The following TCERG1L variants were observed in gnomAD, a reference collection of about 807,000 sequenced individuals.
TCERG1L encodes the protein transcription elongation regulator 1 like.
A neutral mutation model predicts 56.3 loss-of-function variants in TCERG1L; 37 were observed. The ratio of observed to expected loss-of-function variants is 0.66; its 90% confidence interval spans 0.51 to 0.87. The LOEUF is 0.87. TCERG1L is among the 40% of genes least tolerant of loss of function. The pLI is 0.00. For synonymous variants in TCERG1L, 324 were observed against 326.3 expected (o/e 0.99, Z 0.08); for missense variants, 799 against 774.2 (o/e 1.03, Z -0.38).
chr10:131,209,992 G>A (rs548016094), intron 4 of TCERG1L, among the ~76,000 whole-genome samples: 4 of 152,174 alleles, frequency 2.6e-5, no homozygotes, highest in East Asian at 1.9e-4. Context: ...TCGTAATTTC[G>A]CTGTGCCAGT....
At chr10:131,184,030 T>C (rs10829942) in intron 4 of TCERG1L, among the ~76,000 whole-genome samples, 21,451 of 152,208 alleles carry the variant, frequency 0.14, 1,643 homozygotes, top group East Asian at 0.28. Flanking sequence ...ACCCACCATA[T>C]TCTCTGTCAC....
rs141108269 is a variant in TCERG1L, at chr10:131,141,232, C to T, written c.1189+5274G>A. Among the ~76,000 whole-genome samples, 531 of 152,274 alleles carry T rather than the reference C, an allele frequency of 3.5e-3. 6 individuals carry two copies. The highest frequency in any genetic ancestry group is 0.012 in the African/African-American group (485 of 41,556). On this transcript the variant is annotated intron_variant, in intron 7 of 11. Transcript: ENST00000368642. ...TGCTGTGATCTCTGCAGGGCTTCCCCGAGCCTTCCACTCTTTGAGGCTCAC... is the reference window on the plus strand; with the variant it reads ...TGCTGTGATCTCTGCAGGGCTTCCCTGAGCCTTCCACTCTTTGAGGCTCAC...
At chr10:131,212,207 TC>T (rs1209747247) in intron 4 of TCERG1L, among the ~76,000 whole-genome samples, 1 of 152,164 alleles carries the variant, frequency 6.6e-6, no homozygotes, top group Non-Finnish European at 1.5e-5. Flanking sequence ...CCATCTCAAC[TC>T]AGACTCAGAC....
intron 4 of TCERG1L, among the ~76,000 whole-genome samples, chr10:131,178,947 C>A (rs942324101): frequency 6.6e-6 from 1 of 152,254 alleles, no homozygotes; most frequent in Non-Finnish European, 1.5e-5. Flanking sequence ...GTATGCTCAT[C>A]AGTGCTCGTG....
intron 4 of TCERG1L, among the ~76,000 whole-genome samples, chr10:131,182,108 A>T (rs1477064018): frequency 6.6e-6 from 1 of 152,122 alleles, no homozygotes; most frequent in African/African-American, 2.4e-5. Flanking sequence ...GGGTGTGTGC[A>T]TGGGTGTGTG....
intron 4 of TCERG1L, among the ~76,000 whole-genome samples, chr10:131,254,051 A>C (rs1589762718): frequency 2.0e-5 from 3 of 152,182 alleles, no homozygotes; most frequent in African/African-American, 7.2e-5. Flanking sequence ...CTGAGGCCTG[A>C]ACAGTGGGGG....
In TCERG1L at chr10:131,308,220, G is replaced by C. The variant is rs766716008; in HGVS notation, c.661C>G (p.Pro221Ala). 6.2e-7 allele frequency: 1 copy of C among 1,612,002 alleles called. No individual in the cohort carries two copies. The highest frequency in any genetic ancestry group is 1.7e-5 in the Admixed American group (1 of 59,576). Residue 221 changes from proline to alanine, a missense_variant, in exon 3 of 12, where the codon CCC (proline) becomes GCC (alanine). By Grantham distance (27) the Pro-to-Ala change is conservative (BLOSUM62 -1). Transcript: ENST00000368642. ...PLPTVVLAPQ[P>A]IPGGCHNSLK... ...TTATTTGGGCACCAACCTGGGATGG[G>C]CTGAGGTGCTAACACCACCGTGGGG...
In TCERG1L at chr10:131,259,485, C is replaced by T. The variant is rs542031036; in HGVS notation, c.856+774G>A. Among the ~76,000 whole-genome samples the T allele has an allele frequency of 7.1e-4, 108 of 152,300 alleles. 1 individual carries two copies. Among genetic ancestry groups the T allele is most frequent in the South Asian group, 1.2e-3 (6 of 4,822 alleles). On this transcript the variant is annotated intron_variant, in intron 4 of 11. Coordinates refer to ENST00000368642, the MANE Select transcript of TCERG1L (RefSeq NM_174937.4). ...TGCTGTTCCTAAGTTTGAAGAAACA[C>T]GCATTTCACAAGGATGTCTGGGTCA...
chr10:131,147,432 C>G (rs916073256), intron 6 of TCERG1L, among the ~76,000 whole-genome samples: 16 of 152,248 alleles, frequency 1.1e-4, no homozygotes, highest in African/African-American at 3.4e-4. Flanking sequence ...ACTCTGCACT[C>G]TGACACTCTG....
intron 3 of TCERG1L, among the ~76,000 whole-genome samples, chr10:131,295,739 T>C (rs898163497): frequency 6.6e-6 from 1 of 152,202 alleles, no homozygotes; most frequent in Non-Finnish European, 1.5e-5. Flanking sequence ...ACATTCAATA[T>C]TCCAATAACC....
Position 131,256,948 on chromosome 10 carries a change from A to AGAAGGAAGGAAGGAAGGAAGGAAG in TCERG1L, c.856+3287_856+3310dup, listed in dbSNP as rs71009955. On this transcript the variant is annotated intron_variant, in intron 4 of 11. Transcript: ENST00000368642. Reference sequence around the variant, plus strand: ...GGAAGGAAGGGAGGGAGGAAGAGAAAGAAGGAAGGAAGGAAGGAAGGAAGG... The same window carrying AGAAGGAAGGAAGGAAGGAAGGAAG: ...GGAAGGAAGGGAGGGAGGAAGAGAAAGAAGGAAGGAAGGAAGGAAGGAAGGAAGGAAGGAAGGAAGGAAGGAAGG... 1.4e-3 allele frequency among the ~76,000 whole-genome samples: 86 copies of AGAAGGAAGGAAGGAAGGAAGGAAG among 60,796 alleles called. 6 individuals carry two copies. The highest frequency in any genetic ancestry group is 3.0e-3 in the South Asian group (4 of 1,348). The allele number at this position is 60,796 out of a possible 152,430, so 39.9% of individuals were successfully genotyped here. A position where few individuals can be genotyped will look rare whatever the true frequency, so the allele number is the denominator to read the frequency against.
intron 3 of TCERG1L, among the ~76,000 whole-genome samples, chr10:131,291,401 CTTTTTTTTTTTTTTTTTTTTTTTT>C (rs71009957): frequency 0.013 from 469 of 36,570 alleles, 5 homozygotes; most frequent in African/African-American, 0.041. Flanking sequence ...AACAGCATTT[CTTTTTTTTTTTTTTTTTTTTTTTT>C]TTTTTTTTTT....
chr10:131,150,300 C>A (rs971681179), intron 6 of TCERG1L, among the ~76,000 whole-genome samples: 2 of 29,486 alleles, frequency 6.8e-5, no homozygotes, highest in African/African-American at 1.3e-4. Flanking sequence ...TCTAGAGTCA[C>A]TGAAGTGTGG....
At chr10:131,097,200 CAAAAAAAAAAAA>C (rs1161006867) in intron 11 of TCERG1L, among the ~76,000 whole-genome samples, 1 of 91,052 alleles carries the variant, frequency 1.1e-5, no homozygotes, top group Admixed American at 1.2e-4. Context: ...GGGTCTGTCT[CAAAAAAAAAAAA>C]AAAAAAAAAA....
intron 3 of TCERG1L, among the ~76,000 whole-genome samples, chr10:131,277,489 T>A (rs1018034057): frequency 3.3e-5 from 5 of 152,138 alleles, no homozygotes; most frequent in Non-Finnish European, 5.9e-5. Flanking sequence ...GCTCCCCACC[T>A]CCTGGCGAGC....
At chr10:131,167,686 C>G (rs182494170) in intron 4 of TCERG1L, among the ~76,000 whole-genome samples, 3 of 152,218 alleles carry the variant, frequency 2.0e-5, no homozygotes, top group Non-Finnish European at 4.4e-5. Flanking sequence ...CAGGCCACAC[C>G]GCCAGTGACC....
In TCERG1L at chr10:131,103,388, T is replaced by A. The variant is rs921207195; in HGVS notation, c.1485+877A>T. Reference sequence around the variant, plus strand: ...CAGGTGTCCTTGCAGAAGTGCTTTTTGTGTGTATAAGGTTGTGATGAGCCA... The same window carrying A: ...CAGGTGTCCTTGCAGAAGTGCTTTTAGTGTGTATAAGGTTGTGATGAGCCA... On this transcript the variant is annotated intron_variant, in intron 10 of 11. Coordinates refer to ENST00000368642, the MANE Select transcript of TCERG1L (RefSeq NM_174937.4). This position sits in a 1 kb window ranked among gnomAD's most constrained non-coding sequence, Gnocchi z 4.3. 6.6e-6 allele frequency among the ~76,000 whole-genome samples: 1 copy of A among 152,150 alleles called. No individual in the cohort carries two copies. Among genetic ancestry groups the A allele is most frequent in the Admixed American group, 6.5e-5 (1 of 15,284 alleles).
chr10:131,262,315 A>G (rs1279453471), intron 3 of TCERG1L, among the ~76,000 whole-genome samples: 1 of 152,152 alleles, frequency 6.6e-6, no homozygotes, highest in Non-Finnish European at 1.5e-5. Flanking sequence ...CAAGGAAGAC[A>G]TCCAGGCTAG....
chr10:131,261,169 GC>G (rs1441862917), intron 3 of TCERG1L, among the ~76,000 whole-genome samples: 1 of 152,202 alleles, frequency 6.6e-6, no homozygotes, highest in Non-Finnish European at 1.5e-5. Flanking sequence ...ATCAATGGAC[GC>G]ATCTGAAAGT....
Sources: allele counts gnomAD v4.1 joint callset (sites outside exome capture counted in the v4.1 genomes callset), GRCh38; gene constraint gnomAD v4.1.1; non-coding constraint Gnocchi (gnomAD v3.1); transcripts MANE v1.5; gene names NCBI Gene and HGNC (gene_info 2026-07-23, HGNC 2026-07-21).